DDX17: variants seen among roughly 807,000 people sequenced by gnomAD.
DDX17 encodes DEAD-box helicase 17, also known as probable ATP-dependent RNA helicase DDX17.
DDX17 carries 10 observed loss-of-function variants against 80.8 expected under a neutral mutation model. The ratio of observed to expected loss-of-function variants is 0.12; its 90% confidence interval spans 0.08 to 0.21. The LOEUF (loss-of-function observed/expected upper bound fraction) is 0.21, where lower values mean the gene tolerates loss of function less well. DDX17 is among the 10% of genes least tolerant of loss of function. The pLI is 1.00. For missense variants in DDX17, 586 were observed against 957.4 expected (o/e 0.61, Z 5.12); for synonymous variants, 339 against 336.2 (o/e 1.01, Z -0.09).
intron 10 of DDX17, chr22:38,493,402 G>C (rs532638782): frequency 4.1e-4 from 106 of 260,616 alleles, no homozygotes; most frequent in African/African-American, 2.3e-3. Flanking sequence ...GCCCAGACCG[G>C]TCTTGAACTC....
At chr22:38,493,825 C>G (rs908409117) in intron 9 of DDX17, 54 bp from the exon 10 acceptor site, 4 of 1,567,658 alleles carry the variant, frequency 2.6e-6, no homozygotes, top group Non-Finnish European at 1.8e-6. Context: ...TGGAGAAAAT[C>G]GAACTTTAAA....
At chr22:38,491,514 G>C (rs573749268) in intron 11 of DDX17, 5 of 152,220 alleles carry the variant, frequency 3.3e-5, no homozygotes, top group African/African-American at 1.2e-4. Context: ...AAGTGCCCAT[G>C]ATAATTTGAC....
intron 3 of DDX17, 23 bp downstream of exon 3, chr22:38,499,377 G>T (rs369716778): frequency 2.7e-4 from 433 of 1,583,650 alleles, no homozygotes; most frequent in Non-Finnish European, 3.5e-4. Flanking sequence ...ACAAATTAAG[G>T]TTCTAGATTG....
rs751143866 is a variant in DDX17 at position 38,485,927 on chromosome 22, G to C, written c.*8C>G. On this transcript the variant is annotated 3_prime_UTR_variant, in exon 13 of 13. Coordinates refer to ENST00000403230, the MANE Select transcript of DDX17 (RefSeq NM_006386.5). ...AAGTCTGCTGGAGTCACTACCACTT[G>C]AGTGGTTTCATTTACGTGAAGGAGG... The C allele has an allele frequency of 6.2e-7, 1 of 1,613,374 alleles. No homozygotes were observed. Among genetic ancestry groups the C allele is most frequent in the South Asian group, 1.1e-5 (1 of 91,006 alleles).
chr22:38,486,997 G>A (rs528690949), intron 12 of DDX17, among the ~76,000 whole-genome samples: 8 of 151,838 alleles, frequency 5.3e-5, no homozygotes, highest in African/African-American at 9.7e-5. Flanking sequence ...GTGAAACCCT[G>A]TCTCTACAAA....
intron 5 of DDX17, among the ~76,000 whole-genome samples, chr22:38,496,914 T>A (rs1425086908): frequency 6.6e-6 from 1 of 152,364 alleles, no homozygotes; most frequent in African/African-American, 2.4e-5. Context: ...TACTATGTAT[T>A]ATAAGTACTG....
At chr22:38,504,172 CCCTTT>C (rs917301308) in intron 1 of DDX17, among the ~76,000 whole-genome samples, 7 of 152,174 alleles carry the variant, frequency 4.6e-5, no homozygotes, top group African/African-American at 1.7e-4. Flanking sequence ...GTTAACCACT[CCCTTT>C]CCTATCATAT....
At chr22:38,492,241 G>A in intron 10 of DDX17, 126 bp from the exon 11 acceptor site, 1 of 672,446 alleles carries the variant, frequency 1.5e-6, no homozygotes, top group Non-Finnish European at 2.4e-6. Flanking sequence ...GACTGACAGT[G>A]ATTCTTTTGA....
chr22:38,497,089 AG>A (rs1402736971), intron 5 of DDX17, among the ~76,000 whole-genome samples: 1 of 151,598 alleles, frequency 6.6e-6, no homozygotes, highest in African/African-American at 2.4e-5. Context: ...TGAGGTCAGG[AG>A]TTCGAGACCA....
intron 1 of DDX17, chr22:38,505,020 T>TAA (rs2089867018): frequency 1.3e-5 from 2 of 152,500 alleles, no homozygotes; most frequent in African/African-American, 4.8e-5. Flanking sequence ...GCGATTCTCC[T>TAA]GCCTTGGCCT....
At chr22:38,498,988 G>A (rs2089799149) in intron 3 of DDX17, among the ~76,000 whole-genome samples, 1 of 152,090 alleles carries the variant, frequency 6.6e-6, no homozygotes, top group Non-Finnish European at 1.5e-5. Flanking sequence ...CTTCAGCCTG[G>A]GTGACAACGT....
intron 6 of DDX17, 22 bp from the exon 7 acceptor site, chr22:38,495,068 CG>C (rs772907573): frequency 6.2e-7 from 1 of 1,602,732 alleles, no homozygotes; most frequent in Non-Finnish European, 8.5e-7. Context: ...AACCAATGAT[CG>C]AGCCAATCGA....
chr22:38,491,917 C>T (rs569972438), intron 11 of DDX17, 139 bp downstream of exon 11: 5 of 568,732 alleles, frequency 8.8e-6, no homozygotes, highest in South Asian at 6.3e-5. Context: ...GAGAATCACG[C>T]TTTGTATTTT....
intron 2 of DDX17, among the ~76,000 whole-genome samples, chr22:38,500,686 G>A (rs918364983): frequency 2.0e-5 from 3 of 151,262 alleles, no homozygotes; most frequent in African/African-American, 7.3e-5. Flanking sequence ...GCATGGTGGC[G>A]GGTGCCTGTG....
chr22:38,495,328 C>T (rs2089750656), intron 6 of DDX17, among the ~76,000 whole-genome samples: 1 of 146,414 alleles, frequency 6.8e-6, no homozygotes, highest in South Asian at 2.2e-4. Context: ...TCACTGCAAG[C>T]TCCGACTCCC....
At chr22:38,499,218 C>CA (rs761444647) in intron 3 of DDX17, among the ~76,000 whole-genome samples, 182 bp downstream of exon 3, 6 of 151,994 alleles carry the variant, frequency 3.9e-5, no homozygotes, top group Non-Finnish European at 8.8e-5. Context: ...ACAAAAACCT[C>CA]AAAAAAACAA....
rs13996 is a variant in DDX17 at position 38,486,022 on chromosome 22, C to A, written c.2103G>T (p.Pro701=). The change falls in exon 13 of 13, where the codon CCG becomes CCT. Residue 701 remains proline, a synonymous_variant. Coordinates refer to ENST00000403230, the MANE Select transcript of DDX17 (RefSeq NM_006386.5). ...TGTAACCTATCATATTGGTAGCTCC[C>A]GGAGGCTGTGCAAACTGTTGTGACA... 2 of 1,613,852 alleles carry A rather than the reference C, an allele frequency of 1.2e-6. No homozygotes were observed. Among genetic ancestry groups the A allele is most frequent in the Non-Finnish European group, 1.7e-6 (2 of 1,179,988 alleles).
rs1290528798 is a variant in DDX17, at chr22:38,489,208, TTC to T, written c.1448-1095_1448-1094del. 2.0e-5 allele frequency: 20 copies of T among 985,788 alleles called. No homozygotes were observed. Among genetic ancestry groups the T allele is most frequent in the East Asian group, 1.1e-4 (1 of 8,816 alleles). The allele number at this position is 985,788 out of a possible 1,614,324, so 61.1% of individuals were successfully genotyped here. ...TTGTGATATAAATAATTAAAAAACA[TTC>T]TCTGTTTGTTACCAGACCGATGCAC... On this transcript the variant is annotated intron_variant, in intron 11 of 12. Transcript: ENST00000403230. The surrounding 1 kb of genome is among the most constrained non-coding windows in gnomAD (Gnocchi z 4.6).
chr22:38,494,543 T>C (rs1445196298), intron 8 of DDX17, 87 bp downstream of exon 8: 1 of 1,275,622 alleles, frequency 7.8e-7, no homozygotes, highest in Non-Finnish European at 1.1e-6. Flanking sequence ...GGCCTCAAAA[T>C]ATACTGGTTT....
Sources: allele counts gnomAD v4.1 joint callset (sites outside exome capture counted in the v4.1 genomes callset), GRCh38; gene constraint gnomAD v4.1.1; non-coding constraint Gnocchi (gnomAD v3.1); transcripts MANE v1.5; gene names NCBI Gene and HGNC (gene_info 2026-07-23, HGNC 2026-07-21).